SLC35F6: variants seen among roughly 807,000 people sequenced by gnomAD.
The protein encoded by SLC35F6 is solute carrier family 35 member F6.
In SLC35F6, 26 loss-of-function variants were observed where a neutral mutation model predicts 29.4. The observed-to-expected ratio is 0.89, with a 90% CI of 0.65 to 1.23. SLC35F6 has a LOEUF of 1.23. Ranked by LOEUF, SLC35F6 falls within the 50% of genes most tolerant of loss-of-function variation. SLC35F6 has a pLI of 0.00. For synonymous variants in SLC35F6, 174 were observed against 206.6 expected, an observed-to-expected ratio of 0.84 and a Z score of 1.35; for missense variants, 428 against 487.8, an observed-to-expected ratio of 0.88 and a Z score of 1.15.
chr2:26,773,503 GAAA>G (rs70953813), intron 1 of SLC35F6, among the ~76,000 whole-genome samples: 7 of 106,970 alleles, frequency 6.5e-5, no homozygotes, highest in Admixed American at 2.9e-4. Flanking sequence ...ACTCCATTAA[GAAA>G]AAAAAAAAAA....
Position 26,778,489 on chromosome 2 carries a change from C to T in SLC35F6, c.1094C>T (p.Thr365Ile), listed in dbSNP as rs1664348696. Residue 365 changes from threonine to isoleucine, a missense_variant, in exon 6 of 6, where the codon ACT becomes ATT. Coordinates refer to ENST00000344420, the MANE Select transcript of SLC35F6 (RefSeq NM_017877.4). Reference protein sequence around the residue: ...EQERLLGGTRTPINDAS With the variant: ...EQERLLGGTRIPINDAS ...GAGAGACTGCTGGGTGGCACCCGCACTCCCATCAATGATGCCAGCTGAGGT... is the reference window on the plus strand; with the variant it reads ...GAGAGACTGCTGGGTGGCACCCGCATTCCCATCAATGATGCCAGCTGAGGT... The T allele has an allele frequency of 6.2e-7, 1 of 1,608,090 alleles. No homozygotes were observed. Among genetic ancestry groups the T allele is most frequent in the Non-Finnish European group, 8.5e-7 (1 of 1,177,302 alleles).
Position 26,775,147 on chromosome 2 carries a change from C to G in SLC35F6, c.254C>G (p.Pro85Arg). ...QSDSSVDPQQ[P>R]FNPLLFLPPA... ...GACTCCAGCGTAGACCCCCAGCAGCCCTTCAACCCTCTTCTTTTCCTGCCC... is the reference window on the plus strand; with the variant it reads ...GACTCCAGCGTAGACCCCCAGCAGCGCTTCAACCCTCTTCTTTTCCTGCCC... The change falls in exon 3 of 6, where the codon CCC (proline) becomes CGC (arginine). Residue 85 changes from proline (P) to arginine (R), a missense_variant. Physicochemically the swap from Pro to Arg is moderately radical, Grantham distance 103. Transcript: ENST00000344420. The surrounding 1 kb of genome is among the most constrained non-coding windows in gnomAD (Gnocchi z 4.6). 1 of 1,614,112 alleles carries G rather than the reference C, an allele frequency of 6.2e-7. No homozygotes were observed. The highest frequency in any genetic ancestry group is 8.5e-7 in the Non-Finnish European group (1 of 1,180,034).
intron 1 of SLC35F6, chr2:26,764,983 A>G: frequency 1.0e-6 from 1 of 985,494 alleles, no homozygotes; most frequent in Non-Finnish European, 1.2e-6. Flanking sequence ...GATTGTAACC[A>G]GCATCAAATG....
At chr2:26,767,697 A>C (rs1664121082) in intron 1 of SLC35F6, among the ~76,000 whole-genome samples, 1 of 152,116 alleles carries the variant, frequency 6.6e-6, no homozygotes, top group Non-Finnish European at 1.5e-5. Context: ...TCCTGAATCC[A>C]ACTGAGGTTC....
Position 26,775,129 on chromosome 2 carries a change from G to C in SLC35F6, c.236G>C (p.Ser79Thr). 1.2e-6 allele frequency: 2 copies of C among 1,614,108 alleles called. No individual in the cohort carries two copies. Among genetic ancestry groups the C allele is most frequent in the Non-Finnish European group, 1.7e-6 (2 of 1,180,028 alleles). ...RCRAAGQSDS[S>T]VDPQQPFNPL... ...AGAGCTGCAGGGCAATCAGACTCCAGCGTAGACCCCCAGCAGCCCTTCAAC... is the reference window on the plus strand; with the variant it reads ...AGAGCTGCAGGGCAATCAGACTCCACCGTAGACCCCCAGCAGCCCTTCAAC... Residue 79 changes from serine to threonine, a missense_variant, in exon 3 of 6, where the codon AGC (serine) becomes ACC (threonine). Transcript: ENST00000344420. This position sits in a 1 kb window ranked among gnomAD's most constrained non-coding sequence, Gnocchi z 4.6.
At position 26,778,062 on chromosome 2, in the gene SLC35F6, C is replaced by T. The variant is rs1558294707; in HGVS notation, c.667C>T (p.Leu223Phe). The T allele has an allele frequency of 6.2e-7, 1 of 1,611,766 alleles. No homozygotes were observed. ...CCCAGGCCTCTTTGGCTTTGTGATC[C>T]TCTCCCTGCTGCTGGTGCCCATGTA... ...GTEGLFGFVI[L>F]SLLLVPMYYI... The change falls in exon 6 of 6, where the codon CTC (leucine) becomes TTC (phenylalanine). Residue 223 changes from leucine to phenylalanine, a missense_variant. Physicochemically the swap from Leu to Phe is conservative, Grantham distance 22. Coordinates refer to ENST00000344420, the MANE Select transcript of SLC35F6 (RefSeq NM_017877.4).
intron 1 of SLC35F6, 81 bp downstream of exon 1, chr2:26,764,507 C>CTCCTGGCT (rs1406229343): frequency 4.0e-6 from 6 of 1,501,292 alleles, no homozygotes; most frequent in Non-Finnish European, 5.4e-6. Context: ...TGGCCCTGCC[C>CTCCTGGCT]TCCTGGCTTC....
At chr2:26,770,265 G>T (rs1446785639) in intron 1 of SLC35F6, among the ~76,000 whole-genome samples, 2 of 152,106 alleles carry the variant, frequency 1.3e-5, no homozygotes, top group African/African-American at 2.4e-5. Context: ...AATTAGCCGG[G>T]CATGGTGGCC....
chr2:26,776,734 A>C (rs1352576794), intron 5 of SLC35F6, among the ~76,000 whole-genome samples: 1 of 152,220 alleles, frequency 6.6e-6, no homozygotes, highest in East Asian at 1.9e-4. Context: ...AGTGAATTCA[A>C]GTTTGGACCA....
At chr2:26,777,166 T>C (rs2148059724) in intron 5 of SLC35F6, among the ~76,000 whole-genome samples, 1 of 152,330 alleles carries the variant, frequency 6.6e-6, no homozygotes, top group African/African-American at 2.4e-5. Context: ...GCCACCGCAC[T>C]CCAGCCTGGG....
intron 1 of SLC35F6, among the ~76,000 whole-genome samples, chr2:26,769,329 T>A (rs1664152521): frequency 6.6e-6 from 1 of 152,222 alleles, no homozygotes. Context: ...AGGAGCGGCC[T>A]CAGCTTGTCC....
chr2:26,764,411 A>G lies in SLC35F6; in HGVS notation c.62A>G (p.Asn21Ser). 2.6e-6 allele frequency: 4 copies of G among 1,550,962 alleles called. No individual in the cohort carries two copies. The highest frequency in any genetic ancestry group is 8.7e-7 in the Non-Finnish European group (1 of 1,146,856). The part of the protein sequence containing the change: ...AGLMLVTGSI[N>S]TLSAKWADNF... ...CTCATGCTTGTTACCGGCTCCATCA[A>G]CACGCTCTCGGCAAAGTGAGTCTGG... Residue 21 changes from asparagine (N) to serine (S), a missense_variant, in exon 1 of 6, where the codon AAC becomes AGC. By Grantham distance (46) the Asn-to-Ser change is conservative. Transcript: ENST00000344420.
Position 26,778,271 on chromosome 2 carries a change from C to T in SLC35F6, c.876C>T (p.Arg292=), listed in dbSNP as rs754048659. 6.8e-6 allele frequency: 11 copies of T among 1,614,080 alleles called. No homozygotes were observed. The South Asian group carries it at 8.8e-5, about 13-fold the overall frequency. ...CCAAGGAACTGAGCGCCACCACCCG[C>T]ATGGTGTTGGACAGCTTGCGCACCG... ...SVTKELSATT[R]MVLDSLRTVV... The change falls in exon 6 of 6, where the codon CGC becomes CGT. Residue 292 remains arginine, a synonymous_variant. Transcript: ENST00000344420.
Position 26,775,125 on chromosome 2 carries a change from T to C in SLC35F6, c.232T>C (p.Ser78Pro), listed in dbSNP as rs910963173. 1.2e-6 allele frequency: 2 copies of C among 1,614,092 alleles called. No homozygotes were observed. The highest frequency in any genetic ancestry group is 1.7e-6 in the Non-Finnish European group (2 of 1,180,018). The stretch of plus-strand genomic sequence containing the variant: ...ATGCAGAGCTGCAGGGCAATCAGAC[T>C]CCAGCGTAGACCCCCAGCAGCCCTT... ...LRCRAAGQSDSSVDPQQPFNP... is the reference protein window; with the variant it reads ...LRCRAAGQSDPSVDPQQPFNP... Residue 78 changes from serine (S) to proline (P), a missense_variant, in exon 3 of 6, where the codon TCC (serine) becomes CCC (proline). Transcript: ENST00000344420. The surrounding 1 kb of genome is among the most constrained non-coding windows in gnomAD (Gnocchi z 4.6).
rs1411813500 is a variant in SLC35F6 at position 26,778,721 on chromosome 2, C to G, written c.*210C>G. On this transcript the variant is annotated 3_prime_UTR_variant, in exon 6 of 6. Coordinates refer to ENST00000344420, the MANE Select transcript of SLC35F6 (RefSeq NM_017877.4). ...CTGCAGGGTGGTGTTACCCAGCCCC[C>G]ACAAGCCTGAGTGCAGTGGCAGACC... 2.3e-5 allele frequency: 13 copies of G among 573,428 alleles called. No individual in the cohort carries two copies. In the South Asian group the frequency reaches 3.1e-4, roughly 13 times the overall value. 35.5% of individuals were successfully genotyped at this position (573,428 alleles called of 1,614,324 possible). A position where few individuals can be genotyped will look rare whatever the true frequency, so the allele number is the denominator to read the frequency against.
In SLC35F6 at chr2:26,778,779, G is replaced by C; in HGVS notation, c.*268G>C. ...TCTGGACCCCTCCTACAGCACTAGA[G>C]CTAAATCATGAAGTTGAATTGTAGG... On this transcript the variant is annotated 3_prime_UTR_variant, in exon 6 of 6. Coordinates refer to ENST00000344420, the MANE Select transcript of SLC35F6 (RefSeq NM_017877.4). 2.2e-6 allele frequency: 1 copy of C among 450,904 alleles called. No homozygotes were observed. The highest frequency in any genetic ancestry group is 3.9e-6 in the Non-Finnish European group (1 of 255,550). The allele number at this position is 450,904 out of a possible 1,614,324, so 27.9% of individuals were successfully genotyped here.
chr2:26,778,717 C>T lies in SLC35F6; in HGVS notation c.*206C>T, dbSNP rs1475576059. On this transcript the variant is annotated 3_prime_UTR_variant, in exon 6 of 6. Transcript: ENST00000344420. Reference sequence around the variant, plus strand: ...CCACCTGCAGGGTGGTGTTACCCAGCCCCCACAAGCCTGAGTGCAGTGGCA... The same window carrying T: ...CCACCTGCAGGGTGGTGTTACCCAGTCCCCACAAGCCTGAGTGCAGTGGCA... 1 of 574,912 alleles carries T rather than the reference C, an allele frequency of 1.7e-6. No individual in the cohort carries two copies. The highest frequency in any genetic ancestry group is 2.5e-5 in the South Asian group (1 of 39,432). The allele number at this position is 574,912 out of a possible 1,614,324, so 35.6% of individuals were successfully genotyped here.
chr2:26,776,172 C>T (rs1434746006), intron 4 of SLC35F6, among the ~76,000 whole-genome samples, 200 bp from the exon 5 acceptor site: 1 of 152,232 alleles, frequency 6.6e-6, no homozygotes, highest in Non-Finnish European at 1.5e-5. Flanking sequence ...ACAGGCAGGC[C>T]TCTGGGGCCT....
chr2:26,779,821 T>TC lies in SLC35F6; in HGVS notation c.*1310_*1311insC, dbSNP rs1428619101. ...ATGAGCCACCACGCCCAGCCTTTTT[T>TC]TTTTTTTTTTTTTTTTCTTGAGAGA... On this transcript the variant is annotated 3_prime_UTR_variant, in exon 6 of 6. Coordinates refer to ENST00000344420, the MANE Select transcript of SLC35F6 (RefSeq NM_017877.4). 2 of 146,896 alleles carry TC rather than the reference T, an allele frequency of 1.4e-5. No individual in the cohort carries two copies. The highest frequency in any genetic ancestry group is 4.0e-4 in the East Asian group (2 of 4,968). 9.1% of individuals were successfully genotyped at this position (146,896 alleles called of 1,614,324 possible). A position where few individuals can be genotyped will look rare whatever the true frequency, so the allele number is the denominator to read the frequency against.
Sources: gnomAD v4.1 joint callset for allele counts (sites outside exome capture counted in the v4.1 genomes callset) on GRCh38, gnomAD v4.1.1 for gene constraint, Gnocchi (gnomAD v3.1) non-coding constraint, MANE v1.5 for transcripts, NCBI Gene and HGNC (gene_info 2026-07-23, HGNC 2026-07-21) for gene names.